POC1B: variants seen among roughly 807,000 people sequenced by gnomAD.
POC1B encodes the protein POC1 centriolar protein homolog B.
Under a neutral mutation model 60.6 loss-of-function variants are expected in POC1B, and 44 were observed. The ratio of observed to expected loss-of-function variants is 0.73; its 90% CI spans 0.57 to 0.93. The LOEUF (loss-of-function observed/expected upper bound fraction) is 0.93. Ranked by LOEUF, POC1B falls within the 40% of genes least tolerant of loss-of-function variation. POC1B has a pLI of 0.00. For synonymous variants in POC1B, 180 were observed against 198.9 expected (o/e 0.90, Z 0.80); for missense variants, 555 against 572.3 (o/e 0.97, Z 0.31).
chr12:89,431,378 A>G (rs537614568), intron 10 of POC1B, among the ~76,000 whole-genome samples: 8 of 152,228 alleles, frequency 5.3e-5, no homozygotes, highest in African/African-American at 1.9e-4. Flanking sequence ...AGGAAATTCA[A>G]TTGAATGCCT....
At chr12:89,525,324 G>A (rs1871358280) in intron 1 of POC1B, 120 bp from the exon 2 acceptor site, 1 of 1,451,282 alleles carries the variant, frequency 6.9e-7, no homozygotes, top group Admixed American at 2.7e-5. Flanking sequence ...GCGGCGGCTT[G>A]GCTGGGCGGC....
intron 2 of POC1B, among the ~76,000 whole-genome samples, chr12:89,503,233 G>T (rs893598925): frequency 4.0e-5 from 6 of 151,564 alleles, no homozygotes; most frequent in African/African-American, 1.5e-4. Flanking sequence ...TCCTGCCTCA[G>T]CCTGCCGAGT....
chr12:89,524,361 A>T (rs1267750614), intron 2 of POC1B: 9 of 1,613,902 alleles, frequency 5.6e-6, no homozygotes, highest in Admixed American at 5.0e-5. Context: ...GCTTCTTATA[A>T]AGCGGTCGAG....
the POC1B span, among the ~76,000 whole-genome samples, chr12:89,410,729 C>T: frequency 6.6e-6 from 1 of 151,742 alleles, no homozygotes; most frequent in Non-Finnish European, 1.5e-5. Flanking sequence ...GGATCCCTCT[C>T]TCACCACTCC....
At chr12:89,403,758 C>A in the POC1B span, among the ~76,000 whole-genome samples, 2 of 152,138 alleles carry the variant, frequency 1.3e-5, no homozygotes, top group Admixed American at 6.5e-5. Context: ...CTAAAGGAGG[C>A]CCGTTTTGCT....
At chr12:89,492,941 C>T (rs1457042320) in intron 3 of POC1B, among the ~76,000 whole-genome samples, 1 of 152,078 alleles carries the variant, frequency 6.6e-6, no homozygotes, top group Non-Finnish European at 1.5e-5. Context: ...TCTTTTGTCC[C>T]CTGCCAGTCA....
chr12:89,521,289 G>T (rs559972526), intron 2 of POC1B: 2 of 152,330 alleles, frequency 1.3e-5, no homozygotes, highest in East Asian at 3.9e-4. Flanking sequence ...ATTTTTAGTA[G>T]AGACGAGGTT....
chr12:89,491,361 G>A (rs1364977455), intron 4 of POC1B, among the ~76,000 whole-genome samples: 1 of 151,984 alleles, frequency 6.6e-6, no homozygotes, highest in Non-Finnish European at 1.5e-5. Context: ...TAATAAAAGT[G>A]CTGGGAAAAT....
chr12:89,453,179 G>A (rs533340335), intron 10 of POC1B, among the ~76,000 whole-genome samples: 40 of 152,058 alleles, frequency 2.6e-4, no homozygotes, highest in Admixed American at 1.6e-3. Context: ...ACTTAATTTC[G>A]AAGGGGAATG....
At chr12:89,505,288 T>C (rs1869839763) in intron 2 of POC1B, among the ~76,000 whole-genome samples, 1 of 152,254 alleles carries the variant, frequency 6.6e-6, no homozygotes, top group Admixed American at 6.5e-5. Context: ...AAGCTGAATA[T>C]ATACTTAGTA....
At chr12:89,404,914 C>T in the POC1B span, among the ~76,000 whole-genome samples, 7 of 152,144 alleles carry the variant, frequency 4.6e-5, no homozygotes, top group African/African-American at 1.2e-4. Context: ...TCTCTCCCAC[C>T]GCCCCCTCTA....
At chr12:89,434,061 T>C in intron 10 of POC1B, among the ~76,000 whole-genome samples, 1 of 152,250 alleles carries the variant, frequency 6.6e-6, no homozygotes, top group Non-Finnish European at 1.5e-5. Context: ...AACATACTCA[T>C]CTGATCAAGT....
At chr12:89,503,929 C>G (rs113417621) in intron 2 of POC1B, among the ~76,000 whole-genome samples, 51,884 of 109,522 alleles carry the variant, frequency 0.47, 14,648 homozygotes, top group African/African-American at 0.59. Context: ...CCCGCAGCCA[C>G]CCTGTCTGGG....
In POC1B at chr12:89,421,082, A is replaced by G. The variant is rs1334797178; in HGVS notation, c.*71T>C. The G allele has an allele frequency of 8.4e-7, 1 of 1,186,230 alleles. No individual in the cohort carries two copies. The highest frequency in any genetic ancestry group is 1.2e-6 in the Non-Finnish European group (1 of 831,680). 73.5% of individuals were successfully genotyped at this position (1,186,230 alleles called of 1,614,324 possible). A position where few individuals can be genotyped will look rare whatever the true frequency, so the allele number is the denominator to read the frequency against. On this transcript the variant is annotated 3_prime_UTR_variant, in exon 12 of 12. Transcript: ENST00000313546. ...TGTGTTGTATGGAGTATCTTGTACTACCTTCCTGAGTGTATGTACATTTGT... is the reference window on the plus strand; with the variant it reads ...TGTGTTGTATGGAGTATCTTGTACTGCCTTCCTGAGTGTATGTACATTTGT...
intron 2 of POC1B, chr12:89,502,721 A>G (rs983457885): frequency 7.4e-7 from 1 of 1,353,756 alleles, no homozygotes; most frequent in South Asian, 1.2e-5. Flanking sequence ...TTCTACTGGG[A>G]AATTGATATT....
At position 89,459,733 on chromosome 12, in the gene POC1B, A is replaced by T. The variant is rs763491581; in HGVS notation, c.1033-15T>A. The T allele has an allele frequency of 1.2e-5, 16 of 1,329,310 alleles. No homozygotes were observed. The highest frequency in any genetic ancestry group is 5.1e-5 in the Admixed American group (2 of 38,910). 82.3% of individuals were successfully genotyped at this position (1,329,310 alleles called of 1,614,324 possible). A position where few individuals can be genotyped will look rare whatever the true frequency, so the allele number is the denominator to read the frequency against. ...TTTGGATTAATCTGTGTATATACAT[A>T]AAAAAAAATTATGAGATTTTCATAC... On this transcript the variant is annotated splice_polypyrimidine_tract_variant and intron_variant, in intron 9 of 11. Transcript: ENST00000313546.
At chr12:89,432,645 A>G (rs899519560) in intron 10 of POC1B, among the ~76,000 whole-genome samples, 12 of 152,192 alleles carry the variant, frequency 7.9e-5, no homozygotes, top group African/African-American at 2.9e-4. Flanking sequence ...AGAAAAATAA[A>G]GCTAAGCAAT....
intron 4 of POC1B, among the ~76,000 whole-genome samples, chr12:89,480,595 A>ATT (rs765505677): frequency 2.3e-3 from 160 of 69,868 alleles, no homozygotes; most frequent in East Asian, 4.3e-3. Flanking sequence ...TAATTTTTGT[A>ATT]TTTTTTTTTT....
intron 4 of POC1B, 152 bp from the exon 5 acceptor site, chr12:89,472,427 A>G (rs1377495625): frequency 3.4e-6 from 2 of 586,774 alleles, no homozygotes; most frequent in Non-Finnish European, 5.9e-6. Context: ...TGCAGCCAAG[A>G]TCTTCATCAT....
Sources: allele counts gnomAD v4.1 joint callset (sites outside exome capture counted in the v4.1 genomes callset), GRCh38; gene constraint gnomAD v4.1.1; transcripts MANE v1.5; gene names NCBI Gene and HGNC (gene_info 2026-07-23, HGNC 2026-07-21).